Variants in GLIS3 observed in about 807,000 individuals in gnomAD.
GLIS3 encodes zinc finger protein GLIS3.
GLIS3 carries 53 observed loss-of-function variants against 78.6 expected under a neutral mutation model. That is an observed-to-expected ratio of 0.67 (90% CI 0.54 to 0.85). GLIS3 has a LOEUF of 0.85. Among genes scored for constraint, GLIS3 ranks in the 40% least tolerant of loss-of-function variants. The pLI is 0.00. For synonymous variants in GLIS3, 684 were observed against 509.9 expected, an observed-to-expected ratio of 1.34 and a Z score of -4.60; for missense variants, 1,703 against 1,231.1, an observed-to-expected ratio of 1.38 and a Z score of -5.74.
chr9:4,477,772 G>A, the GLIS3 span, among the ~76,000 whole-genome samples: 1,268 of 152,256 alleles, frequency 8.3e-3, 19 homozygotes, highest in African/African-American at 0.028. Context: ...ATGTTCTGGA[G>A]ATGGATAGTG....
the GLIS3 span, among the ~76,000 whole-genome samples, chr9:4,481,806 T>C: frequency 6.6e-6 from 1 of 152,364 alleles, no homozygotes; most frequent in African/African-American, 2.4e-5. Context: ...CATGCACTTA[T>C]GACTGATGTT....
chr9:3,923,263 G>C (rs1370923412), intron 6 of GLIS3, among the ~76,000 whole-genome samples: 1 of 152,148 alleles, frequency 6.6e-6, no homozygotes, highest in African/African-American at 2.4e-5. Context: ...TAACACCTTA[G>C]CAGGGCACAT....
chr9:4,488,921 C>T, the GLIS3 span, among the ~76,000 whole-genome samples: 2 of 151,922 alleles, frequency 1.3e-5, no homozygotes, highest in East Asian at 1.9e-4. Context: ...GGCTGGAGCG[C>T]AGTGGCTTGA....
chr9:3,824,312 G>GAA lies in GLIS3; in HGVS notation c.*3958_*3959dup, dbSNP rs1471196105. ...AATGCAGCATTTTAAAGCTGGACTT[G>GAA]AACATTCCCTCCCGCATCATCTGCC... is the stretch of plus-strand genomic sequence containing the variant. On this transcript the variant is annotated 3_prime_UTR_variant, in exon 11 of 11. Coordinates refer to ENST00000381971, the MANE Select transcript of GLIS3 (RefSeq NM_001042413.2). 7.9e-5 allele frequency: 12 copies of GAA among 152,500 alleles called. No homozygotes were observed. The highest frequency in any genetic ancestry group is 1.3e-4 in the Admixed American group (2 of 15,274). The allele number at this position is 152,500 out of a possible 1,614,324, so 9.4% of individuals were successfully genotyped here.
chr9:4,402,440 C>T, the GLIS3 span, among the ~76,000 whole-genome samples: 1 of 152,198 alleles, frequency 6.6e-6, no homozygotes, highest in African/African-American at 2.4e-5. Context: ...CAAGCATCAA[C>T]ACCATCCAGG....
intron 2 of GLIS3, among the ~76,000 whole-genome samples, chr9:4,154,530 AAAC>A (rs1462667346): frequency 1.3e-5 from 2 of 152,248 alleles, no homozygotes; most frequent in Non-Finnish European, 2.9e-5. Flanking sequence ...ATGAAAAAGC[AAAC>A]AAAAGACCAG....
intron 2 of GLIS3, among the ~76,000 whole-genome samples, chr9:4,233,190 C>T (rs940862519): frequency 6.6e-6 from 1 of 152,138 alleles, no homozygotes; most frequent in Non-Finnish European, 1.5e-5. Flanking sequence ...TGAGGTGAAC[C>T]CTGATGCTCT....
intron 4 of GLIS3, chr9:4,054,388 G>C (rs1356653574): frequency 2.0e-6 from 2 of 985,384 alleles, no homozygotes; most frequent in Non-Finnish European, 2.4e-6. Context: ...ATTTTCCCAA[G>C]CTCAGAGGAA....
chr9:4,446,211 T>C, the GLIS3 span, among the ~76,000 whole-genome samples: 1 of 152,162 alleles, frequency 6.6e-6, no homozygotes, highest in Non-Finnish European at 1.5e-5. Flanking sequence ...GGTCTTTGGG[T>C]AAATAATTAA....
rs75824329 is a variant in GLIS3, at chr9:4,158,325, T to C, written c.389-32384A>G. On this transcript the variant is annotated intron_variant, in intron 2 of 10. Coordinates refer to ENST00000381971, the MANE Select transcript of GLIS3 (RefSeq NM_001042413.2). ...ACATGTTTGCCATATCCCTGATACATGTGTCCAAAGAGGGCAGAGGTCACA... is the reference window on the plus strand; with the variant it reads ...ACATGTTTGCCATATCCCTGATACACGTGTCCAAAGAGGGCAGAGGTCACA... Among the ~76,000 whole-genome samples the C allele has an allele frequency of 7.1e-3, 1,074 of 152,312 alleles. 11 individuals are homozygous for C. Among genetic ancestry groups the C allele is most frequent in the African/African-American group, 0.024 (1,011 of 41,560 alleles).
intron 2 of GLIS3, among the ~76,000 whole-genome samples, chr9:4,184,066 C>G (rs534403881): frequency 1.1e-4 from 16 of 152,034 alleles, no homozygotes; most frequent in African/African-American, 3.6e-4. Flanking sequence ...AAGAAACAAG[C>G]ACTGAAAAAA....
At chr9:4,024,196 T>C (rs73388300) in intron 4 of GLIS3, among the ~76,000 whole-genome samples, 2,247 of 152,232 alleles carry the variant, frequency 0.015, 66 homozygotes, top group African/African-American at 0.051. Context: ...AACCCCCCAG[T>C]CTGTCTGCAG....
the GLIS3 span, among the ~76,000 whole-genome samples, chr9:4,485,320 G>T: frequency 6.6e-6 from 1 of 151,958 alleles, no homozygotes; most frequent in East Asian, 1.9e-4. Context: ...CAGCCCTAAG[G>T]TTGGTCTTCT....
chr9:4,406,503 A>T, the GLIS3 span, among the ~76,000 whole-genome samples: 1 of 152,142 alleles, frequency 6.6e-6, no homozygotes, highest in South Asian at 2.1e-4. Flanking sequence ...TATTTTCAGT[A>T]GAGAAGGGGT....
intron 2 of GLIS3, among the ~76,000 whole-genome samples, chr9:4,277,582 C>T (rs1310927735): frequency 6.6e-6 from 1 of 151,784 alleles, no homozygotes; most frequent in Non-Finnish European, 1.5e-5. Flanking sequence ...TTTGTCTGAC[C>T]AACAATAATG....
At chr9:4,164,863 T>A (rs1418775350) in intron 2 of GLIS3, among the ~76,000 whole-genome samples, 2 of 152,164 alleles carry the variant, frequency 1.3e-5, no homozygotes, top group African/African-American at 2.4e-5. Flanking sequence ...AAAAGATGCT[T>A]AATCTTGACA....
At chr9:4,316,164 T>A (rs1036877175) in intron 2 of GLIS3, among the ~76,000 whole-genome samples, 1 of 152,130 alleles carries the variant, frequency 6.6e-6, no homozygotes, top group Non-Finnish European at 1.5e-5. Flanking sequence ...CAAAAAAGAT[T>A]TCTCCACCTT....
chr9:4,385,460 C>T, the GLIS3 span, among the ~76,000 whole-genome samples: 122,220 of 151,996 alleles, frequency 0.8, 49,288 homozygotes, highest in Non-Finnish European at 0.82. Flanking sequence ...GGTCAGGAGT[C>T]CGAGACCAGC....
At chr9:3,995,362 T>A (rs1402650687) in intron 4 of GLIS3, among the ~76,000 whole-genome samples, 2 of 152,102 alleles carry the variant, frequency 1.3e-5, no homozygotes, top group Admixed American at 6.5e-5. Flanking sequence ...CATGGAAGAA[T>A]GCATCTAAAC....
Sources: gnomAD v4.1 joint callset for allele counts (sites outside exome capture counted in the v4.1 genomes callset) on GRCh38, gnomAD v4.1.1 for gene constraint, MANE v1.5 for transcripts, NCBI Gene and HGNC (gene_info 2026-07-23, HGNC 2026-07-21) for gene names.